Variants in PPP3CA observed in about 807,000 individuals in gnomAD.
The protein encoded by PPP3CA is protein phosphatase 3 catalytic subunit alpha.
Under a neutral mutation model 66.5 loss-of-function variants are expected in PPP3CA, and 14 were observed. The ratio of observed to expected loss-of-function variants is 0.21; its 90% CI spans 0.14 to 0.33. PPP3CA has a LOEUF of 0.33. Among genes scored for constraint, PPP3CA ranks in the 10% least tolerant of loss-of-function variants. The pLI is 1.00. For missense variants in PPP3CA, 317 were observed against 639.5 expected, an observed-to-expected ratio of 0.50 and a Z score of 5.44; for synonymous variants, 232 against 226.2, an observed-to-expected ratio of 1.03 and a Z score of -0.23.
At chr4:101,067,539 A>G (rs1001253060) in intron 8 of PPP3CA, among the ~76,000 whole-genome samples, 1 of 150,780 alleles carries the variant, frequency 6.6e-6, no homozygotes, top group Middle Eastern at 3.2e-3. Context: ...TTTTGATGAG[A>G]CAAAAAAAAA....
chr4:101,109,647 C>A (rs550444125), intron 2 of PPP3CA, among the ~76,000 whole-genome samples: 1,826 of 120,850 alleles, frequency 0.015, 35 homozygotes, highest in Non-Finnish European at 0.017. Flanking sequence ...AGTTTACGTA[C>A]CACTAAGGCA....
chr4:101,316,010 A>G (rs1187909807), intron 1 of PPP3CA, among the ~76,000 whole-genome samples: 1 of 152,094 alleles, frequency 6.6e-6, no homozygotes, highest in Admixed American at 6.6e-5. Context: ...TCCAGCCATC[A>G]ATTCTATGTT....
At chr4:101,048,050 TAA>T (rs1727845879) in intron 10 of PPP3CA, among the ~76,000 whole-genome samples, 2 of 152,088 alleles carry the variant, frequency 1.3e-5, no homozygotes, top group Non-Finnish European at 2.9e-5. Flanking sequence ...TCCTAGACAC[TAA>T]GTTTTCCAAT....
intron 2 of PPP3CA, among the ~76,000 whole-genome samples, chr4:101,147,076 A>G (rs1722993825): frequency 6.6e-6 from 1 of 152,310 alleles, no homozygotes; most frequent in African/African-American, 2.4e-5. Flanking sequence ...TAAAGGTTAA[A>G]ATTTGCTACA....
intron 1 of PPP3CA, among the ~76,000 whole-genome samples, chr4:101,236,506 G>A (rs550295782): frequency 1.3e-5 from 2 of 151,910 alleles, no homozygotes; most frequent in African/African-American, 4.8e-5. Context: ...TGTAGGTAGC[G>A]AACTAGTAAA....
At chr4:101,212,126 C>T (rs1725316342) in intron 1 of PPP3CA, among the ~76,000 whole-genome samples, 1 of 152,066 alleles carries the variant, frequency 6.6e-6, no homozygotes. Context: ...AGTGAATTCC[C>T]ACAGGATTTC....
chr4:101,116,085 G>T (rs970976653), intron 2 of PPP3CA, among the ~76,000 whole-genome samples: 3 of 150,186 alleles, frequency 2.0e-5, no homozygotes, highest in Non-Finnish European at 4.4e-5. Flanking sequence ...TTTCTATAAA[G>T]ACCTTTTAGT....
Position 101,311,222 on chromosome 4 carries a change from CT to C in PPP3CA, c.58+35516del, listed in dbSNP as rs1728711980. Among the ~76,000 whole-genome samples the C allele has an allele frequency of 2.0e-5, 3 of 152,142 alleles. No individual in the cohort carries two copies. The South Asian group carries it at 6.2e-4, about 31-fold the overall frequency. On this transcript the variant is annotated intron_variant, in intron 1 of 13. Coordinates refer to ENST00000394854, the MANE Select transcript of PPP3CA (RefSeq NM_000944.5). ...TCTCTTACACTCCTATCATTTTTCTCTTCTCTGTTTTAGGAGGAAGAGAATT... is the reference window on the plus strand; with the variant it reads ...TCTCTTACACTCCTATCATTTTTCTCTCTCTGTTTTAGGAGGAAGAGAATT...
At chr4:101,028,666 A>ATGTT (rs1309363060) in intron 13 of PPP3CA, among the ~76,000 whole-genome samples, 5 of 152,182 alleles carry the variant, frequency 3.3e-5, no homozygotes, top group Admixed American at 2.0e-4. Context: ...CAGCTGTCTC[A>ATGTT]TGTTGGAATA....
At chr4:101,321,604 G>C (rs1729043311) in intron 1 of PPP3CA, among the ~76,000 whole-genome samples, 1 of 152,090 alleles carries the variant, frequency 6.6e-6, no homozygotes, top group African/African-American at 2.4e-5. Context: ...AAAAGGACTA[G>C]GGAGCAGGAT....
intron 6 of PPP3CA, among the ~76,000 whole-genome samples, chr4:101,087,207 G>A (rs917900227): frequency 6.6e-6 from 1 of 152,022 alleles, no homozygotes; most frequent in Non-Finnish European, 1.5e-5. Flanking sequence ...TTTGTCCCAG[G>A]GTTCTTGATC....
intron 2 of PPP3CA, among the ~76,000 whole-genome samples, chr4:101,151,634 T>C (rs1468884450): frequency 1.3e-5 from 2 of 148,936 alleles, no homozygotes; most frequent in Admixed American, 1.3e-4. Flanking sequence ...TCCCAAAATT[T>C]AGCTAAGCCA....
At chr4:101,090,253 C>T (rs948734414) in intron 6 of PPP3CA, among the ~76,000 whole-genome samples, 4 of 152,174 alleles carry the variant, frequency 2.6e-5, no homozygotes, top group African/African-American at 4.8e-5. Context: ...ACTGCTTTGA[C>T]ATTAGTCAGT....
chr4:101,320,763 A>G (rs1224840690), intron 1 of PPP3CA, among the ~76,000 whole-genome samples: 1 of 152,124 alleles, frequency 6.6e-6, no homozygotes, highest in Non-Finnish European at 1.5e-5. Context: ...ACCTGGACAC[A>G]TTGCCTGATC....
Position 101,106,458 on chromosome 4 carries a change from A to AGAAGGAAAGAAAGAAG in PPP3CA, c.384+2495_384+2496insCTTCTTTCTTTCCTTC, listed in dbSNP as rs1560605216. The stretch of plus-strand genomic sequence containing the variant: ...GAAAGAAAGAAAGAAAGAAAGAGAA[A>AGAAGGAAAGAAAGAAG]AGAAAAGAAAAGAAAAGAAAAGAAA... On this transcript the variant is annotated intron_variant, in intron 3 of 13. Transcript: ENST00000394854. 3.4e-4 allele frequency among the ~76,000 whole-genome samples: 11 copies of AGAAGGAAAGAAAGAAG among 32,676 alleles called. 4 individuals carry two copies. The highest frequency in any genetic ancestry group is 2.0e-3 in the African/African-American group (11 of 5,572). The allele number at this position is 32,676 out of a possible 152,430, so 21.4% of individuals were successfully genotyped here.
chr4:101,285,599 ATGTGTGTGTGTG>A (rs56681112), intron 1 of PPP3CA, among the ~76,000 whole-genome samples: 1,284 of 124,568 alleles, frequency 0.01, 17 homozygotes, highest in African/African-American at 0.031. Context: ...CACTGTGTGT[ATGTGTGTGTGTG>A]TGTGTGTGTG....
intron 1 of PPP3CA, among the ~76,000 whole-genome samples, chr4:101,275,511 A>T (rs1231975377): frequency 6.6e-6 from 1 of 152,216 alleles, no homozygotes; most frequent in African/African-American, 2.4e-5. Context: ...AAATCATACT[A>T]CTACCGAGCA....
chr4:101,273,679 G>A (rs942756303), intron 1 of PPP3CA, among the ~76,000 whole-genome samples: 14 of 152,090 alleles, frequency 9.2e-5, no homozygotes, highest in Non-Finnish European at 1.5e-5. Flanking sequence ...TGAATCCCAA[G>A]CATGAGTAGT....
intron 8 of PPP3CA, among the ~76,000 whole-genome samples, chr4:101,064,097 A>G (rs1469459677): frequency 1.3e-5 from 2 of 152,006 alleles, no homozygotes; most frequent in Admixed American, 6.6e-5. Flanking sequence ...TGAATCCCAC[A>G]TAAAATAATG....
Sources: gnomAD v4.1 joint callset for allele counts (sites outside exome capture counted in the v4.1 genomes callset) on GRCh38, gnomAD v4.1.1 for gene constraint, MANE v1.5 for transcripts, NCBI Gene and HGNC (gene_info 2026-07-23, HGNC 2026-07-21) for gene names.